BIRC6: variants seen among roughly 807,000 people sequenced by gnomAD.
BIRC6 encodes the protein dual E2 ubiquitin-conjugating enzyme/E3 ubiquitin-protein ligase BIRC6.
Under a neutral mutation model 503.3 loss-of-function variants are expected in BIRC6, and 98 were observed. The observed-to-expected ratio is 0.19, with a 90% CI of 0.17 to 0.23. The LOEUF (loss-of-function observed/expected upper bound fraction) is 0.23. Among genes scored for constraint, BIRC6 ranks in the 10% least tolerant of loss-of-function variants. BIRC6 has a pLI of 1.00. For synonymous variants in BIRC6, 2,240 were observed against 2,078.7 expected (o/e 1.08, Z -2.11); for missense variants, 5,360 against 5,806.0 (o/e 0.92, Z 2.50).
chr2:32,457,460 A>AT (rs1312907326), intron 23 of BIRC6, among the ~76,000 whole-genome samples: 2 of 151,234 alleles, frequency 1.3e-5, no homozygotes, highest in Non-Finnish European at 2.9e-5. Context: ...CAATTTTTCC[A>AT]TTTTTTTCTT....
rs1239114322 is a variant in BIRC6, at chr2:32,575,349, C to T, written c.13338C>T (p.Thr4446=). The change falls in exon 66 of 74, where the codon ACC becomes ACT. Residue 4446 remains threonine, a synonymous_variant. Transcript: ENST00000421745. ...CCAAAATGAAGACCTGTGTTGATAC[C>T]TATACCAACCGTTTAAGGTACTATA... ...LLAKMKTCVD[T]YTNRLRSKRE... is the part of the protein sequence containing the mutation. 1.9e-6 allele frequency: 3 copies of T among 1,613,822 alleles called. No individual in the cohort carries two copies. Among genetic ancestry groups the T allele is most frequent in the South Asian group, 1.1e-5 (1 of 91,078 alleles).
At position 32,448,666 on chromosome 2, in the gene BIRC6, G is replaced by C. The variant is rs530856138; in HGVS notation, c.4485-129G>C. ...GAAGGGGACCGTGGAGAGGGGAGAG[G>C]GGAGAGGGGAGAGGGGAGAGGGAGA... On this transcript the variant is annotated intron_variant, in intron 21 of 73. Coordinates refer to ENST00000421745, the MANE Select transcript of BIRC6 (RefSeq NM_016252.4). 1.0e-4 allele frequency: 69 copies of C among 662,562 alleles called. No individual in the cohort carries two copies. In the South Asian group the frequency reaches 1.5e-3, roughly 14 times the overall value. The allele number at this position is 662,562 out of a possible 1,614,324, so 41.0% of individuals were successfully genotyped here.
rs1302385435 is a variant in BIRC6 at position 32,508,127 on chromosome 2, A to G, written c.9848A>G (p.His3283Arg). The change falls in exon 51 of 74, where the codon CAT (histidine) becomes CGT (arginine). Residue 3283 changes from histidine (H) to arginine (R), a missense_variant. Transcript: ENST00000421745. ...GCTTCTGCTGTCTGCCTTAGACTAC[A>G]TCGTCCACGGGATGCCAGCACATTA... ...EVASAVCLRLHRPRDASTLGL... is the reference protein window; with the variant it reads ...EVASAVCLRLRRPRDASTLGL... 3.1e-6 allele frequency: 5 copies of G among 1,613,786 alleles called. No individual in the cohort carries two copies. In the South Asian group the frequency reaches 3.3e-5, roughly 11 times the overall value.
At position 32,493,587 on chromosome 2, in the gene BIRC6, A is replaced by G; in HGVS notation, c.8388A>G (p.Leu2796=). The change falls in exon 45 of 74, where the codon TTA becomes TTG. Residue 2796 remains leucine, a synonymous_variant. Coordinates refer to ENST00000421745, the MANE Select transcript of BIRC6 (RefSeq NM_016252.4). The part of the protein sequence containing the change: ...TQAMQEFLTR[L]QVHLSSTCPQ... ...CTATGCAAGAATTTCTTACTCGATTACAAGTGCATCTTTCTTCAACATGTC... is the reference window on the plus strand; with the variant it reads ...CTATGCAAGAATTTCTTACTCGATTGCAAGTGCATCTTTCTTCAACATGTC... 1 of 1,609,880 alleles carries G rather than the reference A, an allele frequency of 6.2e-7. No individual in the cohort carries two copies.
At chr2:32,410,085 T>C (rs1482932004) in intron 9 of BIRC6, among the ~76,000 whole-genome samples, 2 of 152,206 alleles carry the variant, frequency 1.3e-5, no homozygotes, top group African/African-American at 2.4e-5. Flanking sequence ...TATATGTAAT[T>C]TATGGTTTAT....
chr2:32,550,215 A>G (rs558413114), intron 65 of BIRC6, among the ~76,000 whole-genome samples: 68 of 152,140 alleles, frequency 4.5e-4, no homozygotes, highest in Non-Finnish European at 9.3e-4. Flanking sequence ...TTACATGTAT[A>G]TTTCATTAAT....
chr2:32,591,269 A>G (rs1383620468), intron 66 of BIRC6, among the ~76,000 whole-genome samples: 1 of 152,194 alleles, frequency 6.6e-6, no homozygotes, highest in Non-Finnish European at 1.5e-5. Context: ...TCAATATGAA[A>G]TATATATCAT....
Position 32,392,088 on chromosome 2 carries a change from C to A in BIRC6, c.889C>A (p.Pro297Thr). Reference protein sequence around the residue: ...ANRRETFTSWPHVGYRWAQPD... With the variant: ...ANRRETFTSWTHVGYRWAQPD... ...CAGACGGGAGACATTTACCTCATGG[C>A]CTCATGTAGGCTATAGGTGGGCACA... Residue 297 changes from proline (P) to threonine (T), a missense_variant, in exon 5 of 74, where the codon CCT becomes ACT. By Grantham distance (38) the Pro-to-Thr change is conservative. Transcript: ENST00000421745. 6.3e-7 allele frequency: 1 copy of A among 1,598,970 alleles called. No homozygotes were observed. The highest frequency in any genetic ancestry group is 2.2e-5 in the East Asian group (1 of 44,530).
At chr2:32,404,577 G>A (rs1481059543) in intron 8 of BIRC6, among the ~76,000 whole-genome samples, 1 of 152,142 alleles carries the variant, frequency 6.6e-6, no homozygotes, top group African/African-American at 2.4e-5. Flanking sequence ...GCCTCCAAAA[G>A]TGCTGGGATT....
In BIRC6 at chr2:32,500,044, A is replaced by G; in HGVS notation, c.8966A>G (p.Gln2989Arg). ...GCTGACTTAGTCTTAGCCAACCAAC[A>G]AATTATGAGCCAGATTTTGTCTGCT... Reference protein sequence around the residue: ...YVADLVLANQQIMSQILSALG... With the variant: ...YVADLVLANQRIMSQILSALG... The change falls in exon 46 of 74, where the codon CAA becomes CGA. Residue 2989 changes from glutamine to arginine, a missense_variant. Physicochemically the swap from Gln to Arg is conservative, Grantham distance 43 (BLOSUM62 1). This residue lies in a region of BIRC6 where 2,299 missense variants were observed against 2,267.2 expected (regional missense o/e 1.01). Coordinates refer to ENST00000421745, the MANE Select transcript of BIRC6 (RefSeq NM_016252.4). The G allele has an allele frequency of 6.2e-7, 1 of 1,613,956 alleles. No individual in the cohort carries two copies. Among genetic ancestry groups the G allele is most frequent in the Non-Finnish European group, 8.5e-7 (1 of 1,179,870 alleles).
At chr2:32,512,441 A>C (rs1285992184) in intron 53 of BIRC6, among the ~76,000 whole-genome samples, 1 of 152,208 alleles carries the variant, frequency 6.6e-6, no homozygotes, top group African/African-American at 2.4e-5. Flanking sequence ...TATTAATGTT[A>C]GTTCTAAATG....
Position 32,468,120 on chromosome 2 carries a change from A to G in BIRC6, c.5780+9A>G. ...GAGGATATACAGTGCAGGTTAGTAC[A>G]GAGTGCAAATTTTAATGTTATTGAA... On this transcript the variant is annotated intron_variant, in intron 28 of 73. Coordinates refer to ENST00000421745, the MANE Select transcript of BIRC6 (RefSeq NM_016252.4). 1 of 1,611,252 alleles carries G rather than the reference A, an allele frequency of 6.2e-7. No individual in the cohort carries two copies. The highest frequency in any genetic ancestry group is 1.1e-5 in the South Asian group (1 of 90,670).
chr2:32,503,598 T>A (rs1278251260), intron 49 of BIRC6, among the ~76,000 whole-genome samples: 1 of 151,870 alleles, frequency 6.6e-6, no homozygotes, highest in African/African-American at 2.4e-5. Context: ...ATTTTTGTAT[T>A]TTTAGTGGAG....
chr2:32,437,778 T>C (rs2044893092), intron 15 of BIRC6, among the ~76,000 whole-genome samples: 2 of 152,210 alleles, frequency 1.3e-5, no homozygotes, highest in African/African-American at 4.8e-5. Context: ...TCAGCCTGTA[T>C]ATATGCAAGT....
intron 66 of BIRC6, among the ~76,000 whole-genome samples, chr2:32,578,760 T>A (rs1286112623): frequency 6.6e-6 from 1 of 151,494 alleles, no homozygotes; most frequent in African/African-American, 2.4e-5. Context: ...TCACACTCCA[T>A]TACACTCCAG....
intron 60 of BIRC6, 114 bp from the exon 61 acceptor site, chr2:32,531,241 T>G (rs1163624630): frequency 1.2e-6 from 1 of 835,090 alleles, no homozygotes. Flanking sequence ...AAATGATGTT[T>G]TGTGCTCTTT....
At chr2:32,520,957 T>C (rs973610708) in intron 57 of BIRC6, among the ~76,000 whole-genome samples, 4 of 152,182 alleles carry the variant, frequency 2.6e-5, no homozygotes, top group Non-Finnish European at 2.9e-5. Context: ...ATTGAACATT[T>C]TAATTAGTCT....
rs1311484410 is a variant in BIRC6 at position 32,439,700 on chromosome 2, A to AT, written c.3810+18dup. On this transcript the variant is annotated intron_variant, in intron 16 of 73. Transcript: ENST00000421745. ...GCAGCAGGCAAGGTATGAAACTGTC[A>AT]TTTTGAACAATAACAATACAGTTTT... The AT allele has an allele frequency of 4.4e-6, 7 of 1,605,202 alleles. No homozygotes were observed. The highest frequency in any genetic ancestry group is 2.6e-6 in the Non-Finnish European group (3 of 1,172,710).
rs749401993 is a variant in BIRC6 at position 32,618,835 on chromosome 2, A to C, written c.*931A>C. 6.6e-6 allele frequency: 1 copy of C among 152,612 alleles called. No homozygotes were observed. Among genetic ancestry groups the C allele is most frequent in the Non-Finnish European group, 1.5e-5 (1 of 68,032 alleles). 9.5% of individuals were successfully genotyped at this position (152,612 alleles called of 1,614,324 possible). A position where few individuals can be genotyped will look rare whatever the true frequency, so the allele number is the denominator to read the frequency against. On this transcript the variant is annotated 3_prime_UTR_variant, in exon 74 of 74. Coordinates refer to ENST00000421745, the MANE Select transcript of BIRC6 (RefSeq NM_016252.4). ...GTACCTGCCATACAGGCTCATTTTCATGCAAATTCTTCCTAGAGCCAAATA... is the reference window on the plus strand; with the variant it reads ...GTACCTGCCATACAGGCTCATTTTCCTGCAAATTCTTCCTAGAGCCAAATA...
Sources: allele counts gnomAD v4.1 joint callset (sites outside exome capture counted in the v4.1 genomes callset), GRCh38; gene constraint gnomAD v4.1.1; regional missense constraint gnomAD v4.1.1; transcripts MANE v1.5; gene names NCBI Gene and HGNC (gene_info 2026-07-23, HGNC 2026-07-21).